Variants in ESRRG observed in about 807,000 individuals in gnomAD.
ESRRG encodes estrogen-related receptor gamma.
In ESRRG, 13 loss-of-function variants were observed where a neutral mutation model predicts 44.0. The observed-to-expected ratio is 0.30, with a 90% CI of 0.19 to 0.47. ESRRG has a LOEUF of 0.47. ESRRG is among the 20% of genes least tolerant of loss of function. The pLI is 1.00. For missense variants in ESRRG, 395 were observed against 580.6 expected (o/e 0.68, Z 3.29); for synonymous variants, 215 against 214.6 (o/e 1.00, Z -0.02).
In ESRRG at chr1:216,504,117, A is replaced by G. The variant is rs1353976426; in HGVS notation, c.*2822T>C. The G allele has an allele frequency of 1.3e-5, 2 of 152,492 alleles. No homozygotes were observed. Among genetic ancestry groups the G allele is most frequent in the African/African-American group, 4.8e-5 (2 of 41,422 alleles). 9.4% of individuals were successfully genotyped at this position (152,492 alleles called of 1,614,324 possible). A position where few individuals can be genotyped will look rare whatever the true frequency, so the allele number is the denominator to read the frequency against. ...TATCTCATTCTTTGAACATATCTCCATCTCAGGTTTTCAGTTGGTTGGCTC... is the reference window on the plus strand; with the variant it reads ...TATCTCATTCTTTGAACATATCTCCGTCTCAGGTTTTCAGTTGGTTGGCTC... On this transcript the variant is annotated 3_prime_UTR_variant, in exon 7 of 7. Transcript: ENST00000408911.
chr1:216,874,315 C>A (rs2096311826), intron 2 of ESRRG, among the ~76,000 whole-genome samples: 1 of 152,134 alleles, frequency 6.6e-6, no homozygotes, highest in Non-Finnish European at 1.5e-5. Flanking sequence ...CAGTAGGAGA[C>A]ATAGGGTGAA....
intron 2 of ESRRG, among the ~76,000 whole-genome samples, chr1:216,821,798 C>T (rs2095303245): frequency 6.7e-6 from 1 of 149,818 alleles, no homozygotes; most frequent in South Asian, 2.1e-4. Flanking sequence ...ATGAAATTTC[C>T]TTATGATTCA....
At chr1:216,996,906 A>T (rs1008454235) in intron 1 of ESRRG, among the ~76,000 whole-genome samples, 7 of 152,204 alleles carry the variant, frequency 4.6e-5, no homozygotes, top group African/African-American at 1.7e-4. Context: ...GCAAGTTGGA[A>T]AGAATCTTTT....
intron 5 of ESRRG, among the ~76,000 whole-genome samples, chr1:216,538,375 G>A (rs1393157017): frequency 1.3e-5 from 2 of 151,972 alleles, no homozygotes; most frequent in East Asian, 1.9e-4. Context: ...TCTTGAATGA[G>A]GACAAAAGCG....
chr1:216,836,061 CAG>C (rs2148812625), intron 2 of ESRRG, among the ~76,000 whole-genome samples: 1 of 137,014 alleles, frequency 7.3e-6, no homozygotes, highest in African/African-American at 2.8e-5. Context: ...TCTGCTTGTG[CAG>C]AGTGAGGGAC....
chr1:216,821,772 T>A (rs2095302154), intron 2 of ESRRG, among the ~76,000 whole-genome samples: 1 of 150,518 alleles, frequency 6.6e-6, no homozygotes, highest in Non-Finnish European at 1.5e-5. Flanking sequence ...ATAAGAACAT[T>A]TAAAAAATTT....
At chr1:216,754,576 A>G (rs958090692) in intron 2 of ESRRG, among the ~76,000 whole-genome samples, 2 of 151,964 alleles carry the variant, frequency 1.3e-5, no homozygotes, top group Admixed American at 1.3e-4. Context: ...GGCCTAAGCT[A>G]CTGCTGTGAT....
intron 1 of ESRRG, among the ~76,000 whole-genome samples, chr1:216,961,232 T>C (rs2068989091): frequency 6.6e-6 from 1 of 152,176 alleles, no homozygotes; most frequent in Admixed American, 6.5e-5. Flanking sequence ...AACCCTACCT[T>C]ATACCACACA....
chr1:216,638,330 G>A (rs757673432), intron 3 of ESRRG, among the ~76,000 whole-genome samples: 2 of 152,122 alleles, frequency 1.3e-5, no homozygotes, highest in Non-Finnish European at 2.9e-5. Context: ...TGTCTGAGAT[G>A]GCACAGCTAG....
intron 2 of ESRRG, among the ~76,000 whole-genome samples, chr1:216,939,109 A>G (rs1393580646): frequency 6.6e-6 from 1 of 152,150 alleles, no homozygotes. Context: ...AGAATTAGAA[A>G]GAGAAGGATC....
chr1:216,610,675 T>TTG (rs56789156), intron 3 of ESRRG, among the ~76,000 whole-genome samples: 1,771 of 151,098 alleles, frequency 0.012, 39 homozygotes, highest in East Asian at 0.063. Flanking sequence ...AAGAAAAAAA[T>TTG]TGTGTGTGTG....
chr1:216,955,013 C>A (rs2067684095), intron 1 of ESRRG, among the ~76,000 whole-genome samples: 1 of 152,058 alleles, frequency 6.6e-6, no homozygotes, highest in Admixed American at 6.6e-5. Flanking sequence ...TTAGAATATC[C>A]ATCATCATAA....
At chr1:217,019,374 T>C (rs1260507226) in intron 1 of ESRRG, among the ~76,000 whole-genome samples, 4 of 152,178 alleles carry the variant, frequency 2.6e-5, no homozygotes, top group African/African-American at 4.8e-5. Context: ...GGCATGACTT[T>C]CCCACCACTT....
intron 2 of ESRRG, among the ~76,000 whole-genome samples, chr1:216,738,370 C>A (rs1203722654): frequency 2.0e-5 from 3 of 152,016 alleles, no homozygotes; most frequent in Non-Finnish European, 2.9e-5. Flanking sequence ...CCTATACTGC[C>A]AAGCAACTAA....
At chr1:216,777,837 A>G (rs1274676673) in intron 2 of ESRRG, among the ~76,000 whole-genome samples, 3 of 152,112 alleles carry the variant, frequency 2.0e-5, no homozygotes, top group Non-Finnish European at 4.4e-5. Flanking sequence ...TAAATTGTTT[A>G]ACTTACATAT....
intron 1 of ESRRG, among the ~76,000 whole-genome samples, chr1:216,972,974 T>C (rs2150311405): frequency 6.6e-6 from 1 of 152,282 alleles, no homozygotes; most frequent in Admixed American, 6.5e-5. Flanking sequence ...CCAGATCCTG[T>C]TGGCACTACC....
chr1:216,809,163 AAGAAGCCTT>A (rs1248042277), intron 2 of ESRRG, among the ~76,000 whole-genome samples: 6 of 152,244 alleles, frequency 3.9e-5, no homozygotes, highest in Admixed American at 2.0e-4. Context: ...GTGATAAGTC[AAGAAGCCTT>A]AGAAAGGACA....
At chr1:217,053,942 T>A (rs547560709) in intron 1 of ESRRG, among the ~76,000 whole-genome samples, 1 of 151,968 alleles carries the variant, frequency 6.6e-6, no homozygotes, top group East Asian at 1.9e-4. Context: ...TCTCAGCCAA[T>A]TCCTCAGCAG....
At chr1:216,547,456 T>C (rs1420405984) in intron 5 of ESRRG, among the ~76,000 whole-genome samples, 2 of 151,888 alleles carry the variant, frequency 1.3e-5, no homozygotes, top group East Asian at 1.9e-4. Flanking sequence ...TTAAAAATGC[T>C]ATCAAGTATT....
Sources: allele counts gnomAD v4.1 joint callset (sites outside exome capture counted in the v4.1 genomes callset), GRCh38; gene constraint gnomAD v4.1.1; transcripts MANE v1.5; gene names NCBI Gene and HGNC (gene_info 2026-07-23, HGNC 2026-07-21).